Variants in DCAF6 observed in about 807,000 individuals in gnomAD.
The protein encoded by DCAF6 is DDB1 and CUL4 associated factor 6.
A neutral mutation model predicts 125.1 loss-of-function variants in DCAF6; 54 were observed. The observed-to-expected ratio is 0.43, with a 90% CI of 0.35 to 0.54. The LOEUF is 0.54. Ranked by LOEUF, DCAF6 falls within the 20% of genes least tolerant of loss-of-function variation. The probability of loss-of-function intolerance (pLI) is 0.01; values close to 1 mark genes in which losing one functional copy is unlikely to be tolerated. For missense variants in DCAF6, 934 were observed against 1,161.7 expected, an observed-to-expected ratio of 0.80 and a Z score of 2.85; for synonymous variants, 371 against 390.4, an observed-to-expected ratio of 0.95 and a Z score of 0.58.
intron 14 of DCAF6, 27 bp from the exon 15 acceptor site, chr1:168,044,558 G>C: frequency 6.5e-7 from 1 of 1,538,976 alleles, no homozygotes; most frequent in Non-Finnish European, 9.0e-7. Context: ...GATACCAAGG[G>C]ATGACTGTAA....
intron 12 of DCAF6, among the ~76,000 whole-genome samples, chr1:168,024,546 C>A (rs1044037855): frequency 6.6e-6 from 1 of 152,162 alleles, no homozygotes; most frequent in Non-Finnish European, 1.5e-5. Context: ...TGGCCCACAC[C>A]TGTATTCCCA....
chr1:167,871,109 A>G, the DCAF6 span, among the ~76,000 whole-genome samples: 3 of 152,130 alleles, frequency 2.0e-5, no homozygotes, highest in African/African-American at 7.2e-5. Context: ...TCAACACACT[A>G]GAAGTAATAT....
At chr1:167,915,924 G>A in the DCAF6 span, among the ~76,000 whole-genome samples, 2 of 152,178 alleles carry the variant, frequency 1.3e-5, no homozygotes, top group Non-Finnish European at 2.9e-5. Flanking sequence ...CAGTTAATGT[G>A]TGGCAGAGTT....
the DCAF6 span, among the ~76,000 whole-genome samples, chr1:167,922,284 T>C: frequency 2.6e-5 from 4 of 152,156 alleles, no homozygotes; most frequent in African/African-American, 4.8e-5. Flanking sequence ...CAAGAAGGCA[T>C]TTATGAGTAT....
chr1:168,063,033 T>C (rs960284072), intron 17 of DCAF6, among the ~76,000 whole-genome samples: 3 of 151,700 alleles, frequency 2.0e-5, no homozygotes, highest in African/African-American at 7.3e-5. Flanking sequence ...TGCCTCAGCC[T>C]CCCGAGTAGC....
At chr1:168,045,468 TTGCTTC>T (rs1689051692) in intron 16 of DCAF6, among the ~76,000 whole-genome samples, 1 of 152,220 alleles carries the variant, frequency 6.6e-6, no homozygotes, top group Admixed American at 6.5e-5. Flanking sequence ...GCACTGAGGC[TTGCTTC>T]TGAATTTACA....
chr1:167,896,526 T>C, the DCAF6 span: 1 of 1,247,424 alleles, frequency 8.0e-7, no homozygotes, highest in African/African-American at 1.5e-5. Flanking sequence ...AATGAAGCTG[T>C]CGGCATTGAT....
intron 12 of DCAF6, among the ~76,000 whole-genome samples, chr1:168,032,565 AT>A (rs1006219243): frequency 2.0e-4 from 31 of 152,166 alleles, no homozygotes; most frequent in Non-Finnish European, 2.8e-4. Context: ...AAACTTTATT[AT>A]TTTTTCAGAA....
chr1:167,949,633 C>T lies in DCAF6; in HGVS notation c.98-2167C>T, dbSNP rs574890335. Among the ~76,000 whole-genome samples the T allele has an allele frequency of 5.9e-5, 9 of 152,316 alleles. No individual in the cohort carries two copies. The South Asian group carries it at 1.9e-3, about 32-fold the overall frequency. ...AACCAATGTAAACCTGAAGCTCATA[C>T]TGCTTGCCATACATGAGTAGTAAAT... On this transcript the variant is annotated intron_variant, in intron 1 of 21. Coordinates refer to ENST00000367840, the MANE Select transcript of DCAF6 (RefSeq NM_001198956.2).
chr1:168,063,518 G>C, intron 17 of DCAF6, 103 bp from the exon 18 acceptor site: 1 of 995,254 alleles, frequency 1.0e-6, no homozygotes. Context: ...TTGAGATAGT[G>C]TGTTTATGTA....
the DCAF6 span, chr1:167,903,921 C>A: frequency 6.2e-7 from 1 of 1,613,592 alleles, no homozygotes; most frequent in South Asian, 1.1e-5. Context: ...AGTTGAGGAT[C>A]TCCACCAACT....
chr1:167,870,437 C>CA, the DCAF6 span: 1 of 1,566,410 alleles, frequency 6.4e-7, no homozygotes. Flanking sequence ...TAAAAAAGAG[C>CA]AAACTCAATC....
At chr1:168,051,042 T>C (rs1347175416) in intron 17 of DCAF6, 109 bp downstream of exon 17, 17 of 497,746 alleles carry the variant, frequency 3.4e-5, no homozygotes, top group Non-Finnish European at 5.3e-5. Flanking sequence ...CCCTTTGGAC[T>C]TACTGAATTC....
Position 167,979,374 on chromosome 1 carries a change from T to C in DCAF6, c.438+4359T>C, listed in dbSNP as rs540573439. ...ACTCTGCATCTATCAACAGCTCTCCTTTCTTCCTTATCCTAGTCCCTGGCA... is the reference window on the plus strand; with the variant it reads ...ACTCTGCATCTATCAACAGCTCTCCCTTCTTCCTTATCCTAGTCCCTGGCA... On this transcript the variant is annotated intron_variant, in intron 4 of 21. Coordinates refer to ENST00000367840, the MANE Select transcript of DCAF6 (RefSeq NM_001198956.2). Among the ~76,000 whole-genome samples, 6 of 152,298 alleles carry C rather than the reference T, an allele frequency of 3.9e-5. No individual in the cohort carries two copies. The South Asian group carries it at 1.2e-3, about 32-fold the overall frequency.
chr1:167,994,677 C>G (rs1000168863), intron 7 of DCAF6, among the ~76,000 whole-genome samples: 1 of 152,132 alleles, frequency 6.6e-6, no homozygotes, highest in African/African-American at 2.4e-5. Flanking sequence ...CAGTACACAG[C>G]TGTAGAAAAA....
the DCAF6 span, among the ~76,000 whole-genome samples, chr1:167,870,006 A>G: frequency 6.6e-6 from 1 of 152,152 alleles, no homozygotes; most frequent in Admixed American, 6.5e-5. Flanking sequence ...GAATATTGGG[A>G]TTACTTAGGA....
chr1:168,037,101 C>G (rs1265643044), intron 12 of DCAF6, among the ~76,000 whole-genome samples: 1 of 148,558 alleles, frequency 6.7e-6, no homozygotes, highest in Non-Finnish European at 1.5e-5. Flanking sequence ...GATTCTCCCC[C>G]CCCTTTTTTT....
chr1:167,864,464 C>T, the DCAF6 span, among the ~76,000 whole-genome samples: 1 of 152,052 alleles, frequency 6.6e-6, no homozygotes, highest in Non-Finnish European at 1.5e-5. Flanking sequence ...AACCTGTAAG[C>T]CAAGGCACAC....
intron 4 of DCAF6, among the ~76,000 whole-genome samples, chr1:167,986,260 T>C (rs1263242065): frequency 6.6e-6 from 1 of 152,222 alleles, no homozygotes; most frequent in Non-Finnish European, 1.5e-5. Context: ...ATGATCAGCT[T>C]TAATAGATAT....
Sources: gnomAD v4.1 joint callset for allele counts (sites outside exome capture counted in the v4.1 genomes callset) on GRCh38, gnomAD v4.1.1 for gene constraint, MANE v1.5 for transcripts, NCBI Gene and HGNC (gene_info 2026-07-23, HGNC 2026-07-21) for gene names.